TERB1: variants seen among roughly 807,000 people sequenced by gnomAD.
The protein encoded by TERB1 is telomere repeats-binding bouquet formation protein 1.
TERB1 carries 63 observed loss-of-function variants against 92.3 expected under a neutral mutation model. That is an observed-to-expected ratio of 0.68 (90% CI 0.56 to 0.84). The LOEUF (loss-of-function observed/expected upper bound fraction) is 0.84, where lower values mean the gene tolerates loss of function less well. TERB1 is among the 40% of genes least tolerant of loss of function. The pLI is 0.00. For missense variants in TERB1, 709 were observed against 843.7 expected (o/e 0.84, Z 1.98); for synonymous variants, 252 against 283.9 (o/e 0.89, Z 1.13).
chr16:66,784,010 G>A (rs1333180889), intron 9 of TERB1, among the ~76,000 whole-genome samples: 1 of 152,142 alleles, frequency 6.6e-6, no homozygotes, highest in African/African-American at 2.4e-5. Flanking sequence ...CAAAGAATCT[G>A]TCCAACTCAT....
intron 6 of TERB1, among the ~76,000 whole-genome samples, 176 bp from the exon 7 acceptor site, chr16:66,786,461 T>C (rs529259559): frequency 3.9e-5 from 6 of 152,352 alleles, no homozygotes; most frequent in Non-Finnish European, 5.9e-5. Flanking sequence ...ATGAAAAATA[T>C]GTCACTACTG....
At chr16:66,767,735 T>TA (rs1333805701) in intron 15 of TERB1, among the ~76,000 whole-genome samples, 1 of 151,776 alleles carries the variant, frequency 6.6e-6, no homozygotes, top group East Asian at 1.9e-4. Flanking sequence ...CAATGGACTT[T>TA]TTTTTTTTTT....
chr16:66,790,892 T>C lies in TERB1; in HGVS notation c.142+17A>G. ...AAGAACTAGAATCACAGATAAAAAT[T>C]CACTATTATATCTTACTGTTTTGTT... On this transcript the variant is annotated intron_variant, in intron 4 of 18. Coordinates refer to ENST00000433154, the MANE Select transcript of TERB1 (RefSeq NM_001136505.2). 6.7e-7 allele frequency: 1 copy of C among 1,495,530 alleles called. No homozygotes were observed. The highest frequency in any genetic ancestry group is 9.1e-7 in the Non-Finnish European group (1 of 1,102,538). 92.6% of individuals were successfully genotyped at this position (1,495,530 alleles called of 1,614,324 possible).
At chr16:66,764,706 G>A (rs927036454) in intron 16 of TERB1, among the ~76,000 whole-genome samples, 2 of 152,178 alleles carry the variant, frequency 1.3e-5, no homozygotes, top group African/African-American at 2.4e-5. Context: ...AATAAGGGAC[G>A]GAACGAGAGA....
chr16:66,777,626 G>A (rs1403608215), intron 10 of TERB1, among the ~76,000 whole-genome samples: 1 of 152,060 alleles, frequency 6.6e-6, no homozygotes, highest in Non-Finnish European at 1.5e-5. Context: ...TAATTGTTCT[G>A]CAGAATGCTG....
chr16:66,797,299 G>C (rs1215120428), intron 2 of TERB1, among the ~76,000 whole-genome samples: 1 of 144,228 alleles, frequency 6.9e-6, no homozygotes, highest in Non-Finnish European at 1.5e-5. Flanking sequence ...GCAGTGGCTT[G>C]ATCACGACTC....
chr16:66,770,247 A>G lies in TERB1; in HGVS notation c.1335T>C (p.Asn445=). The change falls in exon 14 of 19, where the codon AAT becomes AAC. Residue 445 remains asparagine (N), a synonymous_variant. Coordinates refer to ENST00000433154, the MANE Select transcript of TERB1 (RefSeq NM_001136505.2). ...NISSMNISIQ[N]TWKHLHADRI... ...GATCTGCATGGAGATGTTTCCATGT[A>G]TTCTGAATACTTATGTTCATAGATG... The G allele has an allele frequency of 1.9e-6, 3 of 1,552,164 alleles. No individual in the cohort carries two copies. Among genetic ancestry groups the G allele is most frequent in the Non-Finnish European group, 2.6e-6 (3 of 1,147,036 alleles).
At chr16:66,761,451 C>CAA (rs376145995) in intron 16 of TERB1, among the ~76,000 whole-genome samples, 40,561 of 106,676 alleles carry the variant, frequency 0.38, 8,042 homozygotes, top group East Asian at 0.62. Flanking sequence ...GACTCTGTCT[C>CAA]AAAAAAAAAA....
At chr16:66,786,885 A>G (rs2018737202) in intron 6 of TERB1, among the ~76,000 whole-genome samples, 3 of 152,082 alleles carry the variant, frequency 2.0e-5, no homozygotes, top group African/African-American at 4.8e-5. Context: ...CCCCCACCCA[A>G]CACCCTGGGG....
intron 12 of TERB1, 69 bp downstream of exon 12, chr16:66,775,049 A>G: frequency 2.0e-6 from 3 of 1,487,962 alleles, no homozygotes; most frequent in Non-Finnish European, 1.8e-6. Flanking sequence ...GCCTTGGCTC[A>G]TGAAAGCAGA....
At chr16:66,781,395 T>C (rs2018633671) in intron 9 of TERB1, among the ~76,000 whole-genome samples, 1 of 152,208 alleles carries the variant, frequency 6.6e-6, no homozygotes, top group Admixed American at 6.5e-5. Context: ...TTAATATTCA[T>C]ATCTTCTTTG....
chr16:66,772,559 T>C (rs1402468716), intron 13 of TERB1, 30 bp downstream of exon 13: 25 of 1,516,932 alleles, frequency 1.6e-5, no homozygotes, highest in Non-Finnish European at 2.1e-5. Flanking sequence ...TTGAAAAAAG[T>C]TCTATATTCT....
At chr16:66,793,421 T>C (rs2018870946) in intron 3 of TERB1, among the ~76,000 whole-genome samples, 1 of 151,938 alleles carries the variant, frequency 6.6e-6, no homozygotes, top group Non-Finnish European at 1.5e-5. Context: ...TTTCACCATG[T>C]TGGCCAGGCT....
chr16:66,782,256 G>C (rs990447198), intron 9 of TERB1, among the ~76,000 whole-genome samples: 1 of 152,064 alleles, frequency 6.6e-6, no homozygotes, highest in Admixed American at 6.6e-5. Context: ...TCCTTAATCT[G>C]TAAGTCTACA....
At chr16:66,757,683 A>G (rs1037812188) in intron 18 of TERB1, among the ~76,000 whole-genome samples, 3 of 152,236 alleles carry the variant, frequency 2.0e-5, no homozygotes, top group African/African-American at 7.2e-5. Context: ...TATATGTGGC[A>G]AAATGCTTCC....
chr16:66,782,565 A>G lies in TERB1; in HGVS notation c.700+3221T>C, dbSNP rs979427075. Among the ~76,000 whole-genome samples, 7 of 152,052 alleles carry G rather than the reference A, an allele frequency of 4.6e-5. No individual in the cohort carries two copies. In the East Asian group the frequency reaches 1.4e-3, roughly 29 times the overall value. ...ATTCTGTCTCAAAAAAAAAAAAAAA[A>G]AAGAATCTGTAAGTCTATACCTACA... On this transcript the variant is annotated intron_variant, in intron 9 of 18. Coordinates refer to ENST00000433154, the MANE Select transcript of TERB1 (RefSeq NM_001136505.2).
chr16:66,797,623 C>CCA (rs71145942), intron 2 of TERB1, among the ~76,000 whole-genome samples: 16,723 of 140,790 alleles, frequency 0.12, 1,101 homozygotes, highest in South Asian at 0.22. Context: ...TAAAAACACA[C>CCA]CACACACACA....
At chr16:66,795,792 C>T (rs2018920425) in intron 3 of TERB1, among the ~76,000 whole-genome samples, 1 of 152,196 alleles carries the variant, frequency 6.6e-6, no homozygotes, top group South Asian at 2.1e-4. Flanking sequence ...CAGGGTCTCG[C>T]TCTGTCATCA....
chr16:66,791,005 G>A lies in TERB1; in HGVS notation c.46C>T (p.Leu16=). 6.5e-7 allele frequency: 1 copy of A among 1,527,818 alleles called. No homozygotes were observed. Among genetic ancestry groups the A allele is most frequent in the East Asian group, 2.5e-5 (1 of 40,536 alleles). The allele number at this position is 1,527,818 out of a possible 1,614,324, so 94.6% of individuals were successfully genotyped here. Reference sequence around the variant, plus strand: ...TTTAGACACTCCAATAATAAGTTCAGGTCAGTCTTCATTTCTAAAGAACAA... The same window carrying A: ...TTTAGACACTCCAATAATAAGTTCAAGTCAGTCTTCATTTCTAAAGAACAA... The part of the protein sequence containing the change: ...TKKTQEMKTD[L]NLLLECLKYQ... The change falls in exon 4 of 19, where the codon CTG becomes TTG. Residue 16 remains leucine (L), a synonymous_variant. Transcript: ENST00000433154.
Sources: allele counts gnomAD v4.1 joint callset (sites outside exome capture counted in the v4.1 genomes callset), GRCh38; gene constraint gnomAD v4.1.1; transcripts MANE v1.5; gene names NCBI Gene and HGNC (gene_info 2026-07-23, HGNC 2026-07-21).